PPP1R13B: variants seen among roughly 807,000 people sequenced by gnomAD.
The protein encoded by PPP1R13B is apoptosis-stimulating of p53 protein 1.
In PPP1R13B, 44 loss-of-function variants were observed where a neutral mutation model predicts 119.8. The ratio of observed to expected loss-of-function variants is 0.37; its 90% CI spans 0.29 to 0.47. The LOEUF (loss-of-function observed/expected upper bound fraction) is 0.47. PPP1R13B is among the 20% of genes least tolerant of loss of function. PPP1R13B has a pLI of 0.99. For missense variants in PPP1R13B, 1,227 were observed against 1,413.5 expected, an observed-to-expected ratio of 0.87 and a Z score of 2.12; for synonymous variants, 542 against 561.5, an observed-to-expected ratio of 0.97 and a Z score of 0.49.
intron 4 of PPP1R13B, among the ~76,000 whole-genome samples, chr14:103,765,340 G>A (rs1383509730): frequency 6.6e-6 from 1 of 152,160 alleles, no homozygotes; most frequent in African/African-American, 2.4e-5. Flanking sequence ...GAGATGACAT[G>A]AAATAGTTCA....
At position 103,759,690 on chromosome 14, in the gene PPP1R13B, GA is replaced by G. The variant is rs932697084; in HGVS notation, c.355-1940del. On this transcript the variant is annotated intron_variant, in intron 4 of 16. Coordinates refer to ENST00000202556, the MANE Select transcript of PPP1R13B (RefSeq NM_015316.3). Reference sequence around the variant, plus strand: ...TAATTTTATAATTTCACAACTTGAAGAAAAAAAAAAATCAAAAACTACCTTT... The same window carrying G: ...TAATTTTATAATTTCACAACTTGAAGAAAAAAAAAATCAAAAACTACCTTT... Among the ~76,000 whole-genome samples, 601 of 144,004 alleles carry G rather than the reference GA, an allele frequency of 4.2e-3. 5 individuals are homozygous for G. Among genetic ancestry groups the G allele is most frequent in the African/African-American group, 0.013 (510 of 39,520 alleles). The allele number at this position is 144,004 out of a possible 152,430, so 94.5% of individuals were successfully genotyped here. A position where few individuals can be genotyped will look rare whatever the true frequency, so the allele number is the denominator to read the frequency against.
intron 3 of PPP1R13B, among the ~76,000 whole-genome samples, chr14:103,782,406 G>A (rs1387813839): frequency 6.6e-6 from 1 of 152,174 alleles, no homozygotes; most frequent in Non-Finnish European, 1.5e-5. Context: ...GGGCATTTAG[G>A]TTGTTCCTAC....
chr14:103,766,943 T>C (rs2084952897), intron 4 of PPP1R13B, among the ~76,000 whole-genome samples: 1 of 152,216 alleles, frequency 6.6e-6, no homozygotes. Context: ...TAAAAGTTAC[T>C]TGATTCAAGA....
At chr14:103,749,296 A>C (rs2084478219) in intron 8 of PPP1R13B, among the ~76,000 whole-genome samples, 1 of 152,164 alleles carries the variant, frequency 6.6e-6, no homozygotes. Flanking sequence ...GATTTTTTAG[A>C]AGCATAACCC....
chr14:103,737,418 T>C, intron 15 of PPP1R13B: 2 of 269,734 alleles, frequency 7.4e-6, no homozygotes, highest in East Asian at 7.2e-5. Flanking sequence ...AAAAAAAAAG[T>C]ACAAAAAATT....
intron 4 of PPP1R13B, 125 bp downstream of exon 4, chr14:103,778,620 G>T: frequency 1.4e-6 from 1 of 734,694 alleles, no homozygotes; most frequent in South Asian, 1.7e-5. Context: ...TGCTCCAGCT[G>T]ATCTCAAACT....
chr14:103,788,214 T>C (rs2085518599), intron 2 of PPP1R13B, among the ~76,000 whole-genome samples: 1 of 152,186 alleles, frequency 6.6e-6, no homozygotes. Context: ...GTCTCACCAT[T>C]TTCAAAAGTA....
chr14:103,753,502 G>A lies in PPP1R13B; in HGVS notation c.632-306C>T, dbSNP rs138774785. On this transcript the variant is annotated intron_variant, in intron 6 of 16. Transcript: ENST00000202556. ...GTTTTGTGAAGGCAGGGCCATCCAA[G>A]CCTCTCTCGTGCATCACTGTGACTT... Among the ~76,000 whole-genome samples, 501 of 152,282 alleles carry A rather than the reference G, an allele frequency of 3.3e-3. 2 individuals carry two copies. Among genetic ancestry groups the A allele is most frequent in the African/African-American group, 0.011 (473 of 41,572 alleles).
At position 103,847,437 on chromosome 14, in the gene PPP1R13B, GGCGGCAGCT is replaced by G. The variant is rs1487876217; in HGVS notation, c.-139_-131del. ...GTGCTCTCCGGCCCGGCCGCGGCGA[GGCGGCAGCT>G]GCGGCGGGCTGCGGGGCTCTCGCTG... is the stretch of plus-strand genomic sequence containing the variant. On this transcript the variant is annotated 5_prime_UTR_variant, in exon 1 of 17. Coordinates refer to ENST00000202556, the MANE Select transcript of PPP1R13B (RefSeq NM_015316.3). 4.9e-6 allele frequency: 5 copies of G among 1,011,316 alleles called. No homozygotes were observed. The African/African-American group carries it at 8.8e-5, about 18-fold the overall frequency. The allele number at this position is 1,011,316 out of a possible 1,614,324, so 62.6% of individuals were successfully genotyped here. A position where few individuals can be genotyped will look rare whatever the true frequency, so the allele number is the denominator to read the frequency against.
chr14:103,735,271 CCT>C (rs2084072105), intron 16 of PPP1R13B, 76 bp from the exon 17 acceptor site: 7 of 1,474,182 alleles, frequency 4.7e-6, no homozygotes, highest in Middle Eastern at 2.3e-4. Context: ...GACCCCTGCT[CCT>C]CACCTCAGCC....
intron 1 of PPP1R13B, among the ~76,000 whole-genome samples, chr14:103,820,938 A>C (rs1375836892): frequency 6.6e-6 from 1 of 152,104 alleles, no homozygotes; most frequent in Non-Finnish European, 1.5e-5. Flanking sequence ...TTGTAATTTG[A>C]GTTAGTAAGC....
chr14:103,753,736 G>C (rs1479228517), intron 6 of PPP1R13B, among the ~76,000 whole-genome samples: 1 of 152,162 alleles, frequency 6.6e-6, no homozygotes, highest in Non-Finnish European at 1.5e-5. Flanking sequence ...CTGCGTCTGA[G>C]GGCCGCAAGA....
chr14:103,835,698 T>G lies in PPP1R13B; in HGVS notation c.9+11601A>C, dbSNP rs866846164. On this transcript the variant is annotated intron_variant, in intron 1 of 16. Transcript: ENST00000202556. ...ATCTCGGCTCACTGCAAGCTCCGCC[T>G]CCTGGGTTCATGCCATTCTCCTGCC... Among the ~76,000 whole-genome samples the G allele has an allele frequency of 1.4e-4, 21 of 151,832 alleles. 1 individual carries two copies. In the Middle Eastern group the frequency reaches 0.014, roughly 99 times the overall value.
intron 9 of PPP1R13B, among the ~76,000 whole-genome samples, chr14:103,744,610 A>G (rs142525600): frequency 6.6e-6 from 1 of 152,304 alleles, no homozygotes; most frequent in East Asian, 1.9e-4. Context: ...CAGCCAACAT[A>G]CGGTTTACAA....
chr14:103,846,435 G>A (rs951345597), intron 1 of PPP1R13B, among the ~76,000 whole-genome samples: 4 of 152,192 alleles, frequency 2.6e-5, no homozygotes, highest in Non-Finnish European at 4.4e-5. Flanking sequence ...TTAAAAAAAT[G>A]ACTGTGTTAC....
chr14:103,757,638 TTTA>T lies in PPP1R13B; in HGVS notation c.456+9_456+11del. ...TTTGAACAATGTTTCAATACCTCTT[TTTA>T]TAACTTACCTTGGCAACCAACATCT... On this transcript the variant is annotated intron_variant, in intron 5 of 16. Transcript: ENST00000202556. The T allele has an allele frequency of 6.2e-6, 10 of 1,612,398 alleles. No individual in the cohort carries two copies. Among genetic ancestry groups the T allele is most frequent in the Non-Finnish European group, 8.5e-6 (10 of 1,178,730 alleles).
chr14:103,797,994 T>C (rs1007724960), intron 1 of PPP1R13B, among the ~76,000 whole-genome samples: 3 of 152,006 alleles, frequency 2.0e-5, no homozygotes, highest in Admixed American at 6.6e-5. Flanking sequence ...GATCAAATAT[T>C]TAGATACAAA....
At position 103,749,832 on chromosome 14, in the gene PPP1R13B, T is replaced by C. The variant is rs778697921; in HGVS notation, c.931A>G (p.Ser311Gly). The C allele has an allele frequency of 9.3e-6, 15 of 1,614,042 alleles. No homozygotes were observed. The highest frequency in any genetic ancestry group is 3.3e-4 in the Middle Eastern group (2 of 6,084). The change falls in exon 8 of 17, where the codon AGT (serine) becomes GGT (glycine). Residue 311 changes from serine (S) to glycine (G), a missense_variant. Transcript: ENST00000202556. ...MEVAMMDKRI[S>G]ELRERLYGKK... ...CCATAGAGACGTTCACGCAGTTCAC[T>C]GATTCGCTTGTCCATCATGGCCACC... is the stretch of plus-strand genomic sequence containing the variant.
intron 4 of PPP1R13B, chr14:103,763,289 G>A (rs190764920): frequency 4.8e-5 from 18 of 374,640 alleles, no homozygotes; most frequent in African/African-American, 1.3e-4. Context: ...AGCACAGTGC[G>A]TCCATTTAGA....
Sources: gnomAD v4.1 joint callset for allele counts (sites outside exome capture counted in the v4.1 genomes callset) on GRCh38, gnomAD v4.1.1 for gene constraint, MANE v1.5 for transcripts, NCBI Gene and HGNC (gene_info 2026-07-23, HGNC 2026-07-21) for gene names.